ATP2B2: variants seen among roughly 807,000 people sequenced by gnomAD.
The protein encoded by ATP2B2 is ATPase plasma membrane Ca2+ transporting 2.
A neutral mutation model predicts 120.0 loss-of-function variants in ATP2B2; 15 were observed. That is an observed-to-expected ratio of 0.12 (90% CI 0.08 to 0.19). The LOEUF is 0.19. ATP2B2 is among the 10% of genes least tolerant of loss of function. The pLI is 1.00. For synonymous variants in ATP2B2, 694 were observed against 700.3 expected, an observed-to-expected ratio of 0.99 and a Z score of 0.14; for missense variants, 1,045 against 1,719.8, an observed-to-expected ratio of 0.61 and a Z score of 6.94.
chr3:10,410,759 A>T lies in ATP2B2; in HGVS notation c.256T>A (p.Phe86Ile), dbSNP rs746939018. ...EKRKQIFGQNFIPPKKPKTFL... is the reference protein window; with the variant it reads ...EKRKQIFGQNIIPPKKPKTFL... ...GTTTTTGGCTTCTTTGGAGGTATAA[A>T]GTTTTGCCCAAAAATTTGCTTTCTC... The change falls in exon 3 of 23, where the codon TTT becomes ATT. Residue 86 changes from phenylalanine (F) to isoleucine (I), a missense_variant. Coordinates refer to ENST00000360273, the MANE Select transcript of ATP2B2 (RefSeq NM_001001331.4). 1.2e-6 allele frequency: 2 copies of T among 1,614,202 alleles called. No individual in the cohort carries two copies. Among genetic ancestry groups the T allele is most frequent in the South Asian group, 2.2e-5 (2 of 91,076 alleles).
chr3:10,386,485 A>G lies in ATP2B2; in HGVS notation c.935T>C (p.Leu312Pro), dbSNP rs760656114. The change falls in exon 7 of 23, where the codon CTA becomes CCA. Residue 312 changes from leucine (L) to proline (P), a missense_variant. Around this residue, in one of 11 missense-constraint regions of ATP2B2, gnomAD observed 145 missense variants for 202.0 expected, o/e 0.72. Transcript: ENST00000360273. ...CTGAGGGTGTCTTACTGTACCTGGTAGCTGAAGGCCATCCCCCTTCTTCAC... is the reference window on the plus strand; with the variant it reads ...CTGAGGGTGTCTTACTGTACCTGGTGGCTGAAGGCCATCCCCCTTCTTCAC... ...KGVKKGDGLQ[L>P]PAADGAAASN... 2 of 1,614,160 alleles carry G rather than the reference A, an allele frequency of 1.2e-6. No homozygotes were observed. The highest frequency in any genetic ancestry group is 2.2e-5 in the South Asian group (2 of 91,092).
intron 1 of ATP2B2, among the ~76,000 whole-genome samples, chr3:10,692,192 C>A (rs547643111): frequency 6.6e-6 from 1 of 152,124 alleles, no homozygotes; most frequent in East Asian, 1.9e-4. Context: ...CAAACAAAAT[C>A]CAAGCCAATG....
At chr3:10,599,232 T>G (rs773614289) in intron 2 of ATP2B2, among the ~76,000 whole-genome samples, 5 of 152,348 alleles carry the variant, frequency 3.3e-5, no homozygotes, top group African/African-American at 1.2e-4. Flanking sequence ...ATCTGGAGGC[T>G]GGGTGTGGGT....
At chr3:10,595,673 C>T (rs930267300) in intron 2 of ATP2B2, among the ~76,000 whole-genome samples, 3 of 152,116 alleles carry the variant, frequency 2.0e-5, no homozygotes, top group African/African-American at 7.2e-5. Context: ...AAGCATATTA[C>T]ATTTATCTTA....
chr3:10,353,348 G>T (rs1180451379), intron 14 of ATP2B2, among the ~76,000 whole-genome samples: 2 of 152,220 alleles, frequency 1.3e-5, no homozygotes, highest in African/African-American at 4.8e-5. Flanking sequence ...TGGGGGAGGG[G>T]ATGTTTGAGC....
chr3:10,523,628 T>C (rs762662938), intron 3 of ATP2B2, among the ~76,000 whole-genome samples: 1 of 152,230 alleles, frequency 6.6e-6, no homozygotes, highest in South Asian at 2.1e-4. Context: ...AAATGGTGTC[T>C]GGCTAACCTA....
At chr3:10,681,338 C>G (rs1437193113) in intron 1 of ATP2B2, among the ~76,000 whole-genome samples, 1 of 152,220 alleles carries the variant, frequency 6.6e-6, no homozygotes, top group Non-Finnish European at 1.5e-5. Context: ...TCACCAGAGG[C>G]AAAATGATTG....
At chr3:10,699,056 C>A (rs867365137) in intron 1 of ATP2B2, among the ~76,000 whole-genome samples, 4 of 152,352 alleles carry the variant, frequency 2.6e-5, no homozygotes, top group African/African-American at 9.6e-5. Flanking sequence ...TCCCTCCGGC[C>A]TTCCAGCCCA....
At chr3:10,331,887 G>A in intron 22 of ATP2B2, 1 of 1,220,176 alleles carries the variant, frequency 8.2e-7, no homozygotes, top group Non-Finnish European at 1.2e-6. Flanking sequence ...GTCTGAGATG[G>A]GTTCTACATA....
chr3:10,442,016 C>G (rs1050874454), intron 2 of ATP2B2, among the ~76,000 whole-genome samples: 11 of 152,132 alleles, frequency 7.2e-5, no homozygotes, highest in African/African-American at 2.4e-4. Context: ...AATGATAATG[C>G]CTTCATAGTA....
intron 1 of ATP2B2, among the ~76,000 whole-genome samples, chr3:10,481,799 C>T: frequency 6.6e-6 from 1 of 152,216 alleles, no homozygotes; most frequent in East Asian, 1.9e-4. Flanking sequence ...GGTGATCCTC[C>T]CGCCTTGGCC....
At chr3:10,469,046 C>T (rs952837258) in intron 1 of ATP2B2, among the ~76,000 whole-genome samples, 2 of 151,670 alleles carry the variant, frequency 1.3e-5, no homozygotes, top group African/African-American at 4.8e-5. Context: ...TTCTTATTTC[C>T]ACTCATCTCG....
intron 3 of ATP2B2, among the ~76,000 whole-genome samples, chr3:10,518,953 A>G (rs1404516888): frequency 6.6e-6 from 1 of 152,218 alleles, no homozygotes; most frequent in Admixed American, 6.5e-5. Flanking sequence ...AGATAAACTG[A>G]GATATTCATT....
At chr3:10,535,236 G>A (rs995324136) in intron 2 of ATP2B2, among the ~76,000 whole-genome samples, 2 of 152,076 alleles carry the variant, frequency 1.3e-5, no homozygotes, top group South Asian at 2.1e-4. Context: ...AATAGTTATC[G>A]ATTCAAAAGA....
At chr3:10,574,852 T>G (rs547461439) in intron 2 of ATP2B2, among the ~76,000 whole-genome samples, 6 of 152,126 alleles carry the variant, frequency 3.9e-5, no homozygotes, top group African/African-American at 1.2e-4. Flanking sequence ...GAAGGATGTG[T>G]GGGTATGGAA....
intron 2 of ATP2B2, among the ~76,000 whole-genome samples, chr3:10,547,342 G>C (rs2067569302): frequency 6.6e-6 from 1 of 152,094 alleles, no homozygotes; most frequent in South Asian, 2.1e-4. Context: ...GTCCTTTCGG[G>C]CCTGGTAAAG....
At chr3:10,502,851 G>A (rs957011025) in intron 1 of ATP2B2, among the ~76,000 whole-genome samples, 2 of 152,210 alleles carry the variant, frequency 1.3e-5, no homozygotes, top group African/African-American at 4.8e-5. Context: ...TCATGCCGAA[G>A]GGTCAAAGAG....
chr3:10,695,689 C>T (rs1016275234), intron 1 of ATP2B2, among the ~76,000 whole-genome samples: 2 of 152,206 alleles, frequency 1.3e-5, no homozygotes, highest in Non-Finnish European at 2.9e-5. Flanking sequence ...CCTACCTGAC[C>T]TACAGCAGAC....
intron 2 of ATP2B2, among the ~76,000 whole-genome samples, chr3:10,606,926 G>A (rs1247630702): frequency 1.4e-5 from 1 of 73,940 alleles, no homozygotes; most frequent in South Asian, 6.6e-4. Flanking sequence ...GAGAGAGAGA[G>A]AGAGAGAGAG....
Sources: allele counts gnomAD v4.1 joint callset (sites outside exome capture counted in the v4.1 genomes callset), GRCh38; gene constraint gnomAD v4.1.1; regional missense constraint gnomAD v4.1.1; transcripts MANE v1.5; gene names NCBI Gene and HGNC (gene_info 2026-07-23, HGNC 2026-07-21).